The following GSTA2 variants were observed in gnomAD, a reference collection of about 807,000 sequenced individuals.
The protein encoded by GSTA2 is glutathione S-transferase alpha 2, also known as glutathione S-transferase A2.
A neutral mutation model predicts 22.4 loss-of-function variants in GSTA2; 27 were observed. The ratio of observed to expected loss-of-function variants is 1.21; its 90% CI spans 0.89 to 1.67. The LOEUF (loss-of-function observed/expected upper bound fraction) is 1.67. GSTA2 is among the 40% of genes most tolerant of loss of function. The probability of loss-of-function intolerance (pLI) is 0.00; values close to 1 mark genes in which losing one functional copy is unlikely to be tolerated. For synonymous variants in GSTA2, 121 were observed against 86.8 expected (o/e 1.39, Z -2.19); for missense variants, 302 against 260.2 (o/e 1.16, Z -1.11).
chr6:52,762,184 TG>T (rs764558445), intron 1 of GSTA2, among the ~76,000 whole-genome samples: 6 of 152,166 alleles, frequency 3.9e-5, no homozygotes, highest in Non-Finnish European at 8.8e-5. Flanking sequence ...TCTCCCCATG[TG>T]ATAGTCTGAA....
chr6:52,754,823 G>A (rs374187428), intron 4 of GSTA2, 120 bp downstream of exon 4: 4 of 1,309,702 alleles, frequency 3.1e-6, no homozygotes, highest in African/African-American at 1.5e-5. Context: ...ACCTCAGCGT[G>A]CATGCCCAAG....
At chr6:52,762,473 G>T (rs1581778207) in intron 1 of GSTA2, among the ~76,000 whole-genome samples, 1 of 152,158 alleles carries the variant, frequency 6.6e-6, no homozygotes, top group African/African-American at 2.4e-5. Flanking sequence ...GTTTATGTAT[G>T]TGCACATCAA....
chr6:52,757,361 A>G (rs1581775192), intron 2 of GSTA2, among the ~76,000 whole-genome samples: 1 of 138,294 alleles, frequency 7.2e-6, no homozygotes, highest in Admixed American at 7.5e-5. Flanking sequence ...ATCAAAACCA[A>G]TATGGTTTCA....
intron 3 of GSTA2, 44 bp downstream of exon 3, chr6:52,756,214 T>A (rs749999307): frequency 7.0e-7 from 1 of 1,433,064 alleles, no homozygotes. Flanking sequence ...CCGTGTACCT[T>A]CTACTAGATA....
At chr6:52,755,212 C>A (rs1762817671) in intron 3 of GSTA2, 137 bp from the exon 4 acceptor site, 192 of 815,686 alleles carry the variant, frequency 2.4e-4, no homozygotes, top group Non-Finnish European at 2.8e-4. Flanking sequence ...TCACTTGAAA[C>A]AACTTTTTTT....
chr6:52,750,789 GC>G lies in GSTA2; in HGVS notation c.547-91del, dbSNP rs1231496790. On this transcript the variant is annotated intron_variant, in intron 6 of 6. Coordinates refer to ENST00000493422, the MANE Select transcript of GSTA2 (RefSeq NM_000846.5). ...GACCCAGGGAATCTGAGTCCCTCCT[GC>G]CAAAGACCAAGTGAGTCGCTTCCAC... The G allele has an allele frequency of 6.6e-6, 10 of 1,519,606 alleles. No individual in the cohort carries two copies. In the African/African-American group the frequency reaches 9.7e-5, roughly 15 times the overall value. The allele number at this position is 1,519,606 out of a possible 1,614,324, so 94.1% of individuals were successfully genotyped here. A position where few individuals can be genotyped will look rare whatever the true frequency, so the allele number is the denominator to read the frequency against.
chr6:52,756,232 T>C (rs1218668878), intron 3 of GSTA2, 26 bp downstream of exon 3: 13 of 1,558,614 alleles, frequency 8.3e-6, no homozygotes, highest in African/African-American at 5.4e-5. Context: ...ATACCCTCAT[T>C]AGAGAAACTT....
chr6:52,759,808 G>T (rs548393551), intron 1 of GSTA2, among the ~76,000 whole-genome samples: 1 of 151,786 alleles, frequency 6.6e-6, no homozygotes, highest in African/African-American at 2.4e-5. Context: ...GGTCTCGAAA[G>T]TCTGACCCCA....
At chr6:52,751,523 A>G (rs1762735096) in intron 6 of GSTA2, 54 bp downstream of exon 6, 1 of 1,611,776 alleles carries the variant, frequency 6.2e-7, no homozygotes, top group African/African-American at 1.3e-5. Flanking sequence ...CAGATACAAG[A>G]TCCCAAGATG....
chr6:52,752,186 A>G (rs2127284980), intron 5 of GSTA2, among the ~76,000 whole-genome samples: 1 of 152,232 alleles, frequency 6.6e-6, no homozygotes, highest in South Asian at 2.1e-4. Context: ...TGTTCTCCTC[A>G]TTCCCTGCTC....
At chr6:52,759,164 A>T (rs1293404047) in intron 1 of GSTA2, among the ~76,000 whole-genome samples, 2 of 152,202 alleles carry the variant, frequency 1.3e-5, no homozygotes, top group Non-Finnish European at 2.9e-5. Flanking sequence ...ATGTTTCATG[A>T]GTTGTTAGTT....
chr6:52,762,052 C>T (rs1320519684), intron 1 of GSTA2, among the ~76,000 whole-genome samples: 3 of 152,100 alleles, frequency 2.0e-5, no homozygotes, highest in African/African-American at 7.2e-5. Flanking sequence ...AAACAAATGC[C>T]TGAAGGCAGT....
At chr6:52,754,806 A>G in intron 4 of GSTA2, 137 bp downstream of exon 4, 1 of 1,117,602 alleles carries the variant, frequency 8.9e-7, no homozygotes. Context: ...GGACTCTGCA[A>G]TACTGGACCT....
intron 1 of GSTA2, among the ~76,000 whole-genome samples, chr6:52,761,922 A>C (rs1343805170): frequency 6.6e-6 from 1 of 150,748 alleles, no homozygotes; most frequent in Non-Finnish European, 1.5e-5. Flanking sequence ...ACTAAGAGAA[A>C]TTCTTCTGCC....
rs1355007957 is a variant in GSTA2, at chr6:52,751,631, G to C, written c.492C>G (p.Leu164=). ...TAGAGTCAAGCTCTTCCACGTAGTA[G>C]AGAAGTTCCACCAGGTGAATGTCAG... ...SRADIHLVEL[L]YYVEELDSSL... Residue 164 remains leucine (L), a synonymous_variant, in exon 6 of 7, where the codon CTC becomes CTG. Coordinates refer to ENST00000493422, the MANE Select transcript of GSTA2 (RefSeq NM_000846.5). The C allele has an allele frequency of 4.3e-6, 7 of 1,614,056 alleles. No homozygotes were observed. The African/African-American group carries it at 8.0e-5, about 18-fold the overall frequency.
At chr6:52,753,390 C>T (rs1459274464) in intron 4 of GSTA2, among the ~76,000 whole-genome samples, 2 of 152,158 alleles carry the variant, frequency 1.3e-5, no homozygotes, top group African/African-American at 4.8e-5. Flanking sequence ...TAGTGTGAGT[C>T]AAATGGCCAA....
intron 1 of GSTA2, among the ~76,000 whole-genome samples, chr6:52,759,578 T>TG (rs1561897425): frequency 8.4e-6 from 1 of 118,996 alleles, no homozygotes; most frequent in African/African-American, 3.4e-5. Flanking sequence ...TTTTTTTTTT[T>TG]TTTTTTTTTT....
At chr6:52,759,298 T>C (rs1762906766) in intron 1 of GSTA2, among the ~76,000 whole-genome samples, 1 of 152,104 alleles carries the variant, frequency 6.6e-6, no homozygotes, top group Non-Finnish European at 1.5e-5. Context: ...GCCAGGCTGT[T>C]TGGGTGGTGG....
In GSTA2 at chr6:52,750,653, A is replaced by G. The variant is rs1385644430; in HGVS notation, c.593T>C (p.Leu198Pro). ...ISNLPTVKKF[L>P]QPGSPRKPPM... is the part of the protein sequence containing the mutation. ...AGGCTTCCTTGGGCTGCCAGGCTGT[A>G]GAAACTTCTTCACTGTGGGCAGGTT... Residue 198 changes from leucine to proline, a missense_variant, in exon 7 of 7, where the codon CTA (leucine) becomes CCA (proline). Physicochemically the swap from Leu to Pro is moderately conservative, Grantham distance 98. Transcript: ENST00000493422. 2 of 1,613,400 alleles carry G rather than the reference A, an allele frequency of 1.2e-6. No individual in the cohort carries two copies. Among genetic ancestry groups the G allele is most frequent in the African/African-American group, 2.7e-5 (2 of 74,910 alleles).
Sources: gnomAD v4.1 joint callset for allele counts (sites outside exome capture counted in the v4.1 genomes callset) on GRCh38, gnomAD v4.1.1 for gene constraint, MANE v1.5 for transcripts, NCBI Gene and HGNC (gene_info 2026-07-23, HGNC 2026-07-21) for gene names.